RASGRP3: variants seen among roughly 807,000 people sequenced by gnomAD.
RASGRP3 encodes ras guanyl-releasing protein 3.
RASGRP3 carries 54 observed loss-of-function variants against 82.7 expected under a neutral mutation model. The ratio of observed to expected loss-of-function variants is 0.65; its 90% confidence interval spans 0.52 to 0.82. The LOEUF (loss-of-function observed/expected upper bound fraction) is 0.82. RASGRP3 is among the 40% of genes least tolerant of loss of function. The pLI is 0.00. For synonymous variants in RASGRP3, 309 were observed against 300.5 expected (o/e 1.03, Z -0.29); for missense variants, 861 against 828.9 (o/e 1.04, Z -0.48).
At chr2:33,559,051 C>G (rs1263110559) in intron 17 of RASGRP3, 21 bp downstream of exon 17, 1 of 1,541,330 alleles carries the variant, frequency 6.5e-7, no homozygotes, top group Non-Finnish European at 8.7e-7. Context: ...GGTCAACCCA[C>G]AAAGAAAACC....
At chr2:33,465,598 A>G (rs546649238) in intron 2 of RASGRP3, among the ~76,000 whole-genome samples, 12 of 152,366 alleles carry the variant, frequency 7.9e-5, no homozygotes, top group African/African-American at 2.9e-4. Flanking sequence ...AACTGCAGCA[A>G]GTTATCCACA....
At chr2:33,515,743 C>T (rs1285652321) in intron 3 of RASGRP3, among the ~76,000 whole-genome samples, 1 of 152,088 alleles carries the variant, frequency 6.6e-6, no homozygotes, top group Admixed American at 6.6e-5. Flanking sequence ...GCTGTATGCT[C>T]CTTGTGTTGT....
At chr2:33,479,280 C>T (rs1420089231) in intron 1 of RASGRP3, among the ~76,000 whole-genome samples, 1 of 152,152 alleles carries the variant, frequency 6.6e-6, no homozygotes, top group Non-Finnish European at 1.5e-5. Context: ...GAAAATAGTT[C>T]AGTGACGGTC....
Position 33,469,923 on chromosome 2 carries a change from C to T in RASGRP3, c.-261+21980C>T, listed in dbSNP as rs987229892. Among the ~76,000 whole-genome samples, 14 of 152,276 alleles carry T rather than the reference C, an allele frequency of 9.2e-5. 1 individual carries two copies. The highest frequency in any genetic ancestry group is 4.1e-4 in the South Asian group (2 of 4,832). Reference sequence around the variant, plus strand: ...GTTTAAAAACCATATTGAACAAATACAATAAACATTTTACTGTAGTTCTTC... The same window carrying T: ...GTTTAAAAACCATATTGAACAAATATAATAAACATTTTACTGTAGTTCTTC... On this transcript the variant is annotated intron_variant, in intron 2 of 18. Coordinates refer to the RASGRP3 transcript ENST00000402538.
chr2:33,442,408 C>G (rs1356147305), intron 1 of RASGRP3, among the ~76,000 whole-genome samples: 1 of 152,190 alleles, frequency 6.6e-6, no homozygotes, highest in Non-Finnish European at 1.5e-5. Context: ...TTTTGATTTT[C>G]TACTTTGTCT....
At chr2:33,439,745 G>C (rs139491976) in intron 1 of RASGRP3, among the ~76,000 whole-genome samples, 1 of 152,256 alleles carries the variant, frequency 6.6e-6, no homozygotes, top group East Asian at 1.9e-4. Context: ...CAGGAAAGAA[G>C]TGCCTGGAGG....
intron 1 of RASGRP3, among the ~76,000 whole-genome samples, chr2:33,444,709 T>C (rs1376782875): frequency 6.6e-6 from 1 of 152,212 alleles, no homozygotes; most frequent in Non-Finnish European, 1.5e-5. Flanking sequence ...ACTGGCAGTT[T>C]TGGAGATTTG....
At chr2:33,521,387 T>G (rs1672021764) in intron 6 of RASGRP3, among the ~76,000 whole-genome samples, 1 of 152,232 alleles carries the variant, frequency 6.6e-6, no homozygotes, top group Non-Finnish European at 1.5e-5. Context: ...GTATTCATAG[T>G]CTACTCTGTT....
intron 1 of RASGRP3, among the ~76,000 whole-genome samples, chr2:33,500,381 T>C (rs114421275): frequency 0.014 from 2,181 of 152,164 alleles, 49 homozygotes; most frequent in African/African-American, 0.05. Flanking sequence ...AGAACCAATA[T>C]AGAAGTCTGA....
intron 2 of RASGRP3, among the ~76,000 whole-genome samples, chr2:33,465,590 C>A (rs971579133): frequency 2.0e-5 from 3 of 152,210 alleles, no homozygotes; most frequent in Non-Finnish European, 4.4e-5. Context: ...GATGGAGAAA[C>A]TGCAGCAAGT....
intron 14 of RASGRP3, chr2:33,554,975 A>T (rs1381397055): frequency 6.6e-6 from 1 of 152,412 alleles, no homozygotes; most frequent in East Asian, 1.9e-4. Context: ...AGCTTTTTCG[A>T]CATCTCCTAC....
Position 33,498,692 on chromosome 2 carries a change from CCTT to C in RASGRP3, c.-260-13012_-260-13010del, listed in dbSNP as rs558098221. 9.8e-5 allele frequency among the ~76,000 whole-genome samples: 15 copies of C among 152,302 alleles called. No homozygotes were observed. The South Asian group carries it at 2.5e-3, about 25-fold the overall frequency. ...CCATTTTCTCTGTGTGCAGCATTCT[CCTT>C]CTTCTCTCTGCCCAGTGCATCCCTG... On this transcript the variant is annotated intron_variant, in intron 1 of 17. Coordinates refer to ENST00000403687, the MANE Select transcript of RASGRP3 (RefSeq NM_001139488.2).
At chr2:33,505,581 G>A (rs1419842461) in intron 1 of RASGRP3, among the ~76,000 whole-genome samples, 1 of 152,194 alleles carries the variant, frequency 6.6e-6, no homozygotes, top group Non-Finnish European at 1.5e-5. Context: ...TTACAGGCGT[G>A]AGCCACCATG....
At chr2:33,523,658 T>C (rs1433287605) in intron 7 of RASGRP3, among the ~76,000 whole-genome samples, 1 of 152,106 alleles carries the variant, frequency 6.6e-6, no homozygotes, top group Admixed American at 6.5e-5. Context: ...TGTGTAGTAG[T>C]GGGTGTCTTT....
intron 14 of RASGRP3, among the ~76,000 whole-genome samples, chr2:33,552,334 TACCC>T (rs1413739562): frequency 6.6e-6 from 1 of 152,212 alleles, no homozygotes; most frequent in African/African-American, 2.4e-5. Flanking sequence ...AGTTAATACT[TACCC>T]ACCATGTTGT....
At chr2:33,546,966 T>C (rs1243318662) in intron 13 of RASGRP3, among the ~76,000 whole-genome samples, 1 of 149,548 alleles carries the variant, frequency 6.7e-6, no homozygotes, top group Non-Finnish European at 1.5e-5. Context: ...GGAGAATCAC[T>C]TGAACCCAAG....
At chr2:33,516,974 T>A (rs1287855115) in intron 4 of RASGRP3, among the ~76,000 whole-genome samples, 1 of 152,230 alleles carries the variant, frequency 6.6e-6, no homozygotes, top group Non-Finnish European at 1.5e-5. Flanking sequence ...AAGACCAAAT[T>A]TGTTTCTTCT....
chr2:33,465,892 C>T (rs1666666561), intron 2 of RASGRP3, among the ~76,000 whole-genome samples: 1 of 149,172 alleles, frequency 6.7e-6, no homozygotes, highest in Non-Finnish European at 1.5e-5. Flanking sequence ...AATGGAACAA[C>T]AAAGCCTGGA....
At chr2:33,555,488 T>A in intron 14 of RASGRP3, 43 bp from the exon 15 acceptor site, 1 of 1,542,870 alleles carries the variant, frequency 6.5e-7, no homozygotes, top group South Asian at 1.2e-5. Context: ...TCCTTCCAGA[T>A]CTATCCTCAG....
Sources: allele counts gnomAD v4.1 joint callset (sites outside exome capture counted in the v4.1 genomes callset), GRCh38; gene constraint gnomAD v4.1.1; transcripts MANE v1.5; gene names NCBI Gene and HGNC (gene_info 2026-07-23, HGNC 2026-07-21).